PRKCE: variants seen among roughly 807,000 people sequenced by gnomAD.
PRKCE encodes the protein protein kinase C epsilon, also known as protein kinase C epsilon type.
Under a neutral mutation model 85.4 loss-of-function variants are expected in PRKCE, and 16 were observed. The ratio of observed to expected loss-of-function variants is 0.19; its 90% confidence interval spans 0.13 to 0.28. PRKCE has a LOEUF of 0.28. Among genes scored for constraint, PRKCE ranks in the 10% least tolerant of loss-of-function variants. The pLI, the probability that PRKCE is intolerant of heterozygous loss-of-function variation, is 1.00. For synonymous variants in PRKCE, 388 were observed against 371.5 expected (o/e 1.04, Z -0.51); for missense variants, 573 against 975.2 (o/e 0.59, Z 5.49).
intron 2 of PRKCE, among the ~76,000 whole-genome samples, chr2:45,942,569 C>T (rs918199545): frequency 2.0e-5 from 3 of 152,138 alleles, no homozygotes; most frequent in African/African-American, 4.8e-5. Flanking sequence ...CAGGGGATGG[C>T]GTAGGGTGTG....
At chr2:45,897,662 A>T (rs1457147999) in intron 2 of PRKCE, among the ~76,000 whole-genome samples, 1 of 152,136 alleles carries the variant, frequency 6.6e-6, no homozygotes, top group Non-Finnish European at 1.5e-5. Flanking sequence ...CTTTCATGAC[A>T]GAGATTATTT....
intron 2 of PRKCE, among the ~76,000 whole-genome samples, chr2:45,880,493 C>G (rs1411792667): frequency 1.3e-5 from 2 of 152,172 alleles, no homozygotes; most frequent in Non-Finnish European, 2.9e-5. Context: ...CGAGCCCAAT[C>G]TTATCTTAGG....
At chr2:45,989,698 G>C (rs968871380) in intron 6 of PRKCE, among the ~76,000 whole-genome samples, 2 of 150,522 alleles carry the variant, frequency 1.3e-5, no homozygotes, top group Non-Finnish European at 2.9e-5. Flanking sequence ...AAAACATGCA[G>C]AATAATTTTT....
intron 11 of PRKCE, among the ~76,000 whole-genome samples, chr2:46,123,026 A>C (rs1350330810): frequency 6.6e-6 from 1 of 150,964 alleles, no homozygotes; most frequent in Non-Finnish European, 1.5e-5. Flanking sequence ...AGATCCTAGA[A>C]AGCTTTACCA....
intron 2 of PRKCE, among the ~76,000 whole-genome samples, chr2:45,969,976 T>G (rs1379049695): frequency 6.6e-6 from 1 of 152,222 alleles, no homozygotes; most frequent in East Asian, 1.9e-4. Context: ...GTCATTTCTG[T>G]TTGTTGGCTA....
At chr2:45,980,921 G>T (rs6705841) in intron 5 of PRKCE, among the ~76,000 whole-genome samples, 627 of 152,298 alleles carry the variant, frequency 4.1e-3, no homozygotes, top group Middle Eastern at 0.017. Context: ...ACCTTCATGA[G>T]GTAGATGTTA....
chr2:46,044,994 A>G (rs1369949459), intron 10 of PRKCE, among the ~76,000 whole-genome samples: 1 of 152,258 alleles, frequency 6.6e-6, no homozygotes, highest in African/African-American at 2.4e-5. Context: ...TTTACAGAGC[A>G]GTATACATAA....
intron 1 of PRKCE, among the ~76,000 whole-genome samples, chr2:45,788,566 C>A (rs1686795723): frequency 6.6e-6 from 1 of 152,210 alleles, no homozygotes; most frequent in Non-Finnish European, 1.5e-5. Flanking sequence ...CTACCTACCC[C>A]TCCATTGCCT....
chr2:46,054,767 C>G lies in PRKCE; in HGVS notation c.1438-31441C>G, dbSNP rs1476706963. ...CCCTGTTTTACCACTCCAATGTTGC[C>G]TTTTCCAAAACCACCCATGGCCCGC... is the stretch of plus-strand genomic sequence containing the variant. On this transcript the variant is annotated intron_variant, in intron 10 of 14. Coordinates refer to ENST00000306156, the MANE Select transcript of PRKCE (RefSeq NM_005400.3). Among the ~76,000 whole-genome samples the G allele has an allele frequency of 2.0e-5, 3 of 152,172 alleles. No homozygotes were observed. The East Asian group carries it at 5.8e-4, about 29-fold the overall frequency.
At chr2:45,911,031 G>A (rs970740213) in intron 2 of PRKCE, among the ~76,000 whole-genome samples, 1 of 152,174 alleles carries the variant, frequency 6.6e-6, no homozygotes, top group Non-Finnish European at 1.5e-5. Context: ...CACTACTCAC[G>A]GGCTTTTTCA....
chr2:46,166,143 GA>G (rs761876223), intron 14 of PRKCE, among the ~76,000 whole-genome samples: 1 of 152,228 alleles, frequency 6.6e-6, no homozygotes, highest in Admixed American at 6.5e-5. Flanking sequence ...TGTGCTGAGA[GA>G]AAACCTGGGA....
chr2:45,808,043 G>T (rs6729111), intron 1 of PRKCE, among the ~76,000 whole-genome samples: 3 of 151,766 alleles, frequency 2.0e-5, no homozygotes, highest in African/African-American at 7.3e-5. Context: ...AGATTTCAGC[G>T]CTCCCAGACT....
intron 1 of PRKCE, among the ~76,000 whole-genome samples, chr2:45,712,138 T>TC (rs1679703272): frequency 4.8e-5 from 1 of 20,794 alleles, no homozygotes; most frequent in African/African-American, 1.9e-4. Context: ...CGGCCTGTCC[T>TC]TTTTTTTTTT....
At chr2:45,928,188 G>A (rs1698771575) in intron 2 of PRKCE, among the ~76,000 whole-genome samples, 1 of 152,180 alleles carries the variant, frequency 6.6e-6, no homozygotes, top group African/African-American at 2.4e-5. Flanking sequence ...GAGTCCCAGT[G>A]ACCTCTACAA....
intron 2 of PRKCE, among the ~76,000 whole-genome samples, chr2:45,974,491 G>T (rs1020630471): frequency 6.6e-6 from 1 of 152,222 alleles, no homozygotes; most frequent in African/African-American, 2.4e-5. Flanking sequence ...ATCTGAGCCT[G>T]TGTTGAAGAT....
At chr2:45,733,137 G>C (rs938689412) in intron 1 of PRKCE, among the ~76,000 whole-genome samples, 1 of 152,222 alleles carries the variant, frequency 6.6e-6, no homozygotes, top group African/African-American at 2.4e-5. Flanking sequence ...CTTAGGGCTT[G>C]AGAGTTTACT....
intron 10 of PRKCE, among the ~76,000 whole-genome samples, chr2:46,023,834 A>G (rs1330249548): frequency 6.6e-6 from 1 of 152,160 alleles, no homozygotes; most frequent in Non-Finnish European, 1.5e-5. Flanking sequence ...TGGGTGGGCC[A>G]GTCACCACCT....
rs115935564 is a variant in PRKCE, at chr2:46,145,828, A to G, written c.1731+597A>G. On this transcript the variant is annotated intron_variant, in intron 12 of 14. Transcript: ENST00000306156. This position sits in a 1 kb window ranked among gnomAD's most constrained non-coding sequence, Gnocchi z 4.6. ...GGCTATAGTGAGCCATAATTGCACC[A>G]TTGCACTCCAGCCTGGGTGACAGAG... is the stretch of plus-strand genomic sequence containing the variant. Among the ~76,000 whole-genome samples, 1,490 of 152,300 alleles carry G rather than the reference A, an allele frequency of 9.8e-3. 9 individuals carry two copies. The highest frequency in any genetic ancestry group is 0.017 in the Middle Eastern group (5 of 294).
chr2:45,674,284 A>G (rs144499902), intron 1 of PRKCE, among the ~76,000 whole-genome samples: 340 of 152,274 alleles, frequency 2.2e-3, no homozygotes, highest in African/African-American at 7.8e-3. Context: ...ACTGAGGTAG[A>G]TGGCCGTAAT....
Sources: allele counts gnomAD v4.1 joint callset (sites outside exome capture counted in the v4.1 genomes callset), GRCh38; gene constraint gnomAD v4.1.1; non-coding constraint Gnocchi (gnomAD v3.1); transcripts MANE v1.5; gene names NCBI Gene and HGNC (gene_info 2026-07-23, HGNC 2026-07-21).